NIBAN1: variants seen among roughly 807,000 people sequenced by gnomAD.
NIBAN1 encodes niban apoptosis regulator 1.
In NIBAN1, 81 loss-of-function variants were observed where a neutral mutation model predicts 75.1. That is an observed-to-expected ratio of 1.08 (90% CI 0.90 to 1.30). The LOEUF is 1.30. NIBAN1 is among the 50% of genes most tolerant of loss of function. The pLI, the probability that NIBAN1 is intolerant of heterozygous loss-of-function variation, is 0.00. For synonymous variants in NIBAN1, 436 were observed against 424.8 expected (o/e 1.03, Z -0.32); for missense variants, 1,133 against 1,128.1 (o/e 1.00, Z -0.06).
chr1:184,830,090 T>C (rs1654955886), intron 6 of NIBAN1, among the ~76,000 whole-genome samples: 1 of 152,236 alleles, frequency 6.6e-6, no homozygotes, highest in African/African-American at 2.4e-5. Flanking sequence ...AAATAGTAGT[T>C]GAATGAATGA....
At chr1:184,966,859 T>TAA (rs1658798680) in intron 1 of NIBAN1, among the ~76,000 whole-genome samples, 1 of 152,224 alleles carries the variant, frequency 6.6e-6, no homozygotes, top group Admixed American at 6.5e-5. Context: ...ATGGACCTTT[T>TAA]AAAAGTCACT....
intron 5 of NIBAN1, chr1:184,868,164 C>T: frequency 2.0e-6 from 1 of 509,618 alleles, no homozygotes; most frequent in Non-Finnish European, 2.5e-6. Context: ...ACCTCCTTTT[C>T]TAAGCCTCTT....
intron 1 of NIBAN1, among the ~76,000 whole-genome samples, chr1:184,947,971 C>A (rs560998480): frequency 1.8e-4 from 27 of 152,244 alleles, no homozygotes; most frequent in African/African-American, 6.0e-4. Flanking sequence ...TATTCCTTTA[C>A]CATAATCTCC....
intron 1 of NIBAN1, among the ~76,000 whole-genome samples, chr1:184,931,937 T>C (rs1657834867): frequency 6.6e-6 from 1 of 152,248 alleles, no homozygotes; most frequent in Non-Finnish European, 1.5e-5. Context: ...AGTTTGTCTT[T>C]AGCACCCTCT....
chr1:184,941,572 C>T (rs1041682004), intron 1 of NIBAN1, among the ~76,000 whole-genome samples: 2 of 151,360 alleles, frequency 1.3e-5, no homozygotes, highest in African/African-American at 4.9e-5. Context: ...GTCACTTGAG[C>T]CTGGGGGATC....
intron 1 of NIBAN1, among the ~76,000 whole-genome samples, chr1:184,945,666 A>G (rs992687119): frequency 1.3e-5 from 2 of 152,216 alleles, no homozygotes; most frequent in Admixed American, 6.5e-5. Context: ...ATGATTTGCT[A>G]CTTTAACGGT....
intron 9 of NIBAN1, among the ~76,000 whole-genome samples, chr1:184,812,289 T>C (rs2102204270): frequency 6.6e-6 from 1 of 152,304 alleles, no homozygotes; most frequent in East Asian, 1.9e-4. Context: ...GCCAGTTTGA[T>C]ATTGGGTGCT....
chr1:184,831,930 C>T lies in NIBAN1; in HGVS notation c.634G>A (p.Ala212Thr). The change falls in exon 6 of 14, where the codon GCC becomes ACC. Residue 212 changes from alanine (A) to threonine (T), a missense_variant. Transcript: ENST00000367511. ...AAGAATTGCACAGCTTCTAAAAAGG[C>T]TTGGGCTTCAAATGTCATCTGCTTC... ...YMKQMTFEAQ[A>T]FLEAVQFFRQ... 9 of 1,614,074 alleles carry T rather than the reference C, an allele frequency of 5.6e-6. No homozygotes were observed. Among genetic ancestry groups the T allele is most frequent in the Non-Finnish European group, 7.6e-6 (9 of 1,179,972 alleles).
intron 4 of NIBAN1, among the ~76,000 whole-genome samples, chr1:184,887,227 A>G (rs971282890): frequency 6.6e-6 from 1 of 152,190 alleles, no homozygotes; most frequent in African/African-American, 2.4e-5. Context: ...AAGGTAACAG[A>G]GGAGAATGCA....
intron 1 of NIBAN1, among the ~76,000 whole-genome samples, chr1:184,947,689 G>C (rs1484517014): frequency 2.0e-5 from 3 of 152,234 alleles, no homozygotes; most frequent in Admixed American, 6.5e-5. Context: ...GAGAGAGCTG[G>C]CTGGGCCTAG....
chr1:184,906,621 A>G (rs182213587), intron 1 of NIBAN1, among the ~76,000 whole-genome samples: 1 of 152,164 alleles, frequency 6.6e-6, no homozygotes, highest in Non-Finnish European at 1.5e-5. Context: ...CAAGAGTGAA[A>G]CTCCATCTCA....
intron 1 of NIBAN1, among the ~76,000 whole-genome samples, chr1:184,936,321 C>T (rs1409154325): frequency 6.6e-6 from 1 of 152,148 alleles, no homozygotes; most frequent in East Asian, 1.9e-4. Context: ...TTTTGATCCC[C>T]TGGAGAGTGA....
intron 5 of NIBAN1, among the ~76,000 whole-genome samples, chr1:184,866,472 G>C (rs1655959799): frequency 6.6e-6 from 1 of 152,178 alleles, no homozygotes; most frequent in African/African-American, 2.4e-5. Context: ...GGAAAGTTAA[G>C]AAGACACGAA....
intron 12 of NIBAN1, among the ~76,000 whole-genome samples, chr1:184,800,186 T>C (rs1490628923): frequency 2.0e-5 from 3 of 151,726 alleles, no homozygotes; most frequent in Admixed American, 2.0e-4. Flanking sequence ...TCTGCTCATG[T>C]CCTTTGCCCA....
intron 12 of NIBAN1, among the ~76,000 whole-genome samples, chr1:184,798,545 C>T (rs1199247697): frequency 6.6e-6 from 1 of 152,114 alleles, no homozygotes; most frequent in East Asian, 1.9e-4. Context: ...CTCAAGGCCT[C>T]ATTAGCAGGT....
intron 6 of NIBAN1, among the ~76,000 whole-genome samples, chr1:184,831,261 T>G (rs481215): frequency 0.83 from 127,009 of 152,162 alleles, 53,584 homozygotes; most frequent in African/African-American, 0.95. Context: ...AAAGATAAAT[T>G]AAATATATAG....
At chr1:184,905,474 C>A (rs919833803) in intron 1 of NIBAN1, among the ~76,000 whole-genome samples, 1 of 152,160 alleles carries the variant, frequency 6.6e-6, no homozygotes, top group African/African-American at 2.4e-5. Flanking sequence ...AGGGTAGTAA[C>A]CCCTCGTCCT....
At chr1:184,830,832 C>G (rs1191379560) in intron 6 of NIBAN1, among the ~76,000 whole-genome samples, 1 of 152,020 alleles carries the variant, frequency 6.6e-6, no homozygotes, top group Non-Finnish European at 1.5e-5. Context: ...GAAACCCCAT[C>G]TCTACTAAAA....
intron 5 of NIBAN1, among the ~76,000 whole-genome samples, chr1:184,834,284 GT>G (rs1655080683): frequency 6.6e-6 from 1 of 152,148 alleles, no homozygotes; most frequent in Non-Finnish European, 1.5e-5. Flanking sequence ...TGGGTTCCAA[GT>G]CTTTGCTATT....
Sources: allele counts gnomAD v4.1 joint callset (sites outside exome capture counted in the v4.1 genomes callset), GRCh38; gene constraint gnomAD v4.1.1; transcripts MANE v1.5; gene names NCBI Gene and HGNC (gene_info 2026-07-23, HGNC 2026-07-21).